CTNNA3: variants seen among roughly 807,000 people sequenced by gnomAD.
The protein encoded by CTNNA3 is catenin alpha-3.
CTNNA3 carries 76 observed loss-of-function variants against 95.7 expected under a neutral mutation model. That is an observed-to-expected ratio of 0.79 (90% confidence interval 0.66 to 0.96). CTNNA3 has a LOEUF of 0.96. Among genes scored for constraint, CTNNA3 ranks in the 40% least tolerant of loss-of-function variants. The pLI, the probability that CTNNA3 is intolerant of heterozygous loss-of-function variation, is 0.00. For missense variants in CTNNA3, 1,191 were observed against 1,089.8 expected, an observed-to-expected ratio of 1.09 and a Z score of -1.31; for synonymous variants, 431 against 374.4, an observed-to-expected ratio of 1.15 and a Z score of -1.74.
At chr10:66,350,834 GTACTGTAAAGGCAA>G (rs1446023491) in intron 12 of CTNNA3, among the ~76,000 whole-genome samples, 1 of 151,916 alleles carries the variant, frequency 6.6e-6, no homozygotes, top group Non-Finnish European at 1.5e-5. Flanking sequence ...TTTACTTAGT[GTACTGTAAAGGCAA>G]ACAAAGCCTT....
intron 14 of CTNNA3, among the ~76,000 whole-genome samples, chr10:66,081,854 C>T (rs542080433): frequency 3.3e-5 from 5 of 152,250 alleles, no homozygotes; most frequent in South Asian, 2.1e-4. Context: ...CAGTGGCTCA[C>T]GCCTGTAATC....
intron 11 of CTNNA3, among the ~76,000 whole-genome samples, chr10:66,427,430 C>T (rs1270816168): frequency 6.6e-6 from 1 of 151,828 alleles, no homozygotes; most frequent in Non-Finnish European, 1.5e-5. Flanking sequence ...TTGGAACTGT[C>T]TTAACATCTA....
At chr10:66,998,400 A>T (rs972110111) in intron 7 of CTNNA3, among the ~76,000 whole-genome samples, 1 of 152,210 alleles carries the variant, frequency 6.6e-6, no homozygotes, top group Non-Finnish European at 1.5e-5. Flanking sequence ...AATAAAATGT[A>T]GACATAAATC....
chr10:66,560,082 C>T (rs1409184511), intron 10 of CTNNA3, among the ~76,000 whole-genome samples: 1 of 152,040 alleles, frequency 6.6e-6, no homozygotes, highest in African/African-American at 2.4e-5. Context: ...AGAAAAAAGC[C>T]ATAATATGCT....
At chr10:66,280,401 CA>C in intron 13 of CTNNA3, 68 bp downstream of exon 13, 1 of 1,321,500 alleles carries the variant, frequency 7.6e-7, no homozygotes, top group Non-Finnish European at 1.1e-6. Context: ...GCATTTCTTG[CA>C]GTCATCCCAG....
intron 7 of CTNNA3, among the ~76,000 whole-genome samples, chr10:66,819,729 C>G (rs554498687): frequency 1.3e-5 from 2 of 152,224 alleles, no homozygotes; most frequent in African/African-American, 2.4e-5. Flanking sequence ...TCAATACAAA[C>G]AGATACTCAG....
At chr10:66,434,675 A>G (rs1458926420) in intron 11 of CTNNA3, among the ~76,000 whole-genome samples, 1 of 152,146 alleles carries the variant, frequency 6.6e-6, no homozygotes, top group Non-Finnish European at 1.5e-5. Flanking sequence ...AGAACTTCCA[A>G]TACTATGTTG....
At chr10:67,298,702 G>A (rs1226875779) in intron 5 of CTNNA3, among the ~76,000 whole-genome samples, 1 of 152,166 alleles carries the variant, frequency 6.6e-6, no homozygotes. Flanking sequence ...AACTACTTCT[G>A]ATTTTTTCAT....
intron 7 of CTNNA3, among the ~76,000 whole-genome samples, chr10:66,923,823 A>G (rs571121367): frequency 6.6e-6 from 1 of 152,372 alleles, no homozygotes; most frequent in East Asian, 1.9e-4. Context: ...TGAACATTAC[A>G]TAATCAGTTA....
chr10:67,134,040 C>T (rs116862280), intron 7 of CTNNA3, among the ~76,000 whole-genome samples: 4 of 152,128 alleles, frequency 2.6e-5, no homozygotes, highest in African/African-American at 4.8e-5. Context: ...ACATGATTTG[C>T]CCAATGTTAC....
chr10:66,415,463 C>A (rs376285814), intron 11 of CTNNA3, among the ~76,000 whole-genome samples: 4 of 152,122 alleles, frequency 2.6e-5, no homozygotes, highest in African/African-American at 9.7e-5. Flanking sequence ...GCATTGCCTA[C>A]GCCATATTAG....
chr10:66,128,329 TA>T (rs2082920633), intron 13 of CTNNA3, among the ~76,000 whole-genome samples: 1 of 152,114 alleles, frequency 6.6e-6, no homozygotes, highest in South Asian at 2.1e-4. Context: ...CAGGTCCACA[TA>T]AAAACCTGCA....
chr10:65,996,104 A>T (rs7915578), intron 15 of CTNNA3, among the ~76,000 whole-genome samples: 21,315 of 152,164 alleles, frequency 0.14, 1,536 homozygotes, highest in East Asian at 0.2. Context: ...ATTTTCAGTG[A>T]CAGCAGCCAC....
intron 5 of CTNNA3, among the ~76,000 whole-genome samples, chr10:67,516,800 T>C (rs567466637): frequency 6.6e-6 from 1 of 152,222 alleles, no homozygotes; most frequent in Non-Finnish European, 1.5e-5. Context: ...CTCTACCCTC[T>C]ACTTCTCTGA....
intron 7 of CTNNA3, among the ~76,000 whole-genome samples, chr10:66,828,133 A>G (rs1021056671): frequency 1.3e-5 from 2 of 152,236 alleles, no homozygotes; most frequent in African/African-American, 4.8e-5. Context: ...GAGGGGTATA[A>G]TTCAAAGGAA....
intron 12 of CTNNA3, among the ~76,000 whole-genome samples, chr10:66,308,238 G>A: frequency 6.6e-6 from 1 of 151,914 alleles, no homozygotes; most frequent in Non-Finnish European, 1.5e-5. Flanking sequence ...TTTCATTCTT[G>A]GTATTGTTCA....
chr10:67,459,808 ACTT>A (rs1348163316), intron 5 of CTNNA3, among the ~76,000 whole-genome samples: 1 of 152,116 alleles, frequency 6.6e-6, no homozygotes, highest in Non-Finnish European at 1.5e-5. Flanking sequence ...ATATAACACT[ACTT>A]CTTATACTTC....
At chr10:67,424,178 A>G (rs1415975919) in intron 5 of CTNNA3, among the ~76,000 whole-genome samples, 1 of 152,162 alleles carries the variant, frequency 6.6e-6, no homozygotes, top group East Asian at 1.9e-4. Flanking sequence ...GAACAGATAA[A>G]GGGGTCCCTG....
At chr10:66,042,265 A>G (rs890861874) in intron 15 of CTNNA3, among the ~76,000 whole-genome samples, 3 of 152,046 alleles carry the variant, frequency 2.0e-5, no homozygotes, top group Admixed American at 2.0e-4. Context: ...ATATTCATGA[A>G]CTTTCTATAT....
Sources: gnomAD v4.1 joint callset for allele counts (sites outside exome capture counted in the v4.1 genomes callset) on GRCh38, gnomAD v4.1.1 for gene constraint, MANE v1.5 for transcripts, NCBI Gene and HGNC (gene_info 2026-07-23, HGNC 2026-07-21) for gene names.